Variants in WWP1 observed in about 807,000 individuals in gnomAD.
WWP1 encodes NEDD4-like E3 ubiquitin-protein ligase WWP1.
A neutral mutation model predicts 130.6 loss-of-function variants in WWP1; 49 were observed. The ratio of observed to expected loss-of-function variants is 0.38; its 90% CI spans 0.30 to 0.48. The LOEUF is 0.48. Among genes scored for constraint, WWP1 ranks in the 20% least tolerant of loss-of-function variants. The pLI, the probability that WWP1 is intolerant of heterozygous loss-of-function variation, is 0.99. For missense variants in WWP1, 809 were observed against 1,100.6 expected (o/e 0.74, Z 3.75); for synonymous variants, 332 against 367.8 (o/e 0.90, Z 1.11).
intron 4 of WWP1, 28 bp from the exon 5 acceptor site, chr8:86,381,477 A>T: frequency 2.5e-6 from 4 of 1,597,742 alleles, no homozygotes; most frequent in Non-Finnish European, 3.4e-6. Flanking sequence ...CTACTCCTGT[A>T]TTTTTGTTAA....
At chr8:86,463,982 G>A (rs1811902017) in intron 24 of WWP1, among the ~76,000 whole-genome samples, 1 of 151,968 alleles carries the variant, frequency 6.6e-6, no homozygotes, top group Admixed American at 6.6e-5. Context: ...GATCACTGGA[G>A]CCGGGGAAGT....
At chr8:86,430,936 A>G (rs1586442609) in intron 12 of WWP1, among the ~76,000 whole-genome samples, 185 bp downstream of exon 12, 1 of 140,660 alleles carries the variant, frequency 7.1e-6, no homozygotes, top group Non-Finnish European at 1.5e-5. Context: ...TATTCTATAT[A>G]TTATATATTC....
chr8:86,406,540 AC>A (rs1365043921), intron 8 of WWP1, among the ~76,000 whole-genome samples: 1 of 152,180 alleles, frequency 6.6e-6, no homozygotes, highest in Non-Finnish European at 1.5e-5. Flanking sequence ...GGTCCCATGC[AC>A]CCTTCACCAG....
intron 18 of WWP1, among the ~76,000 whole-genome samples, chr8:86,443,938 T>C (rs1057490716): frequency 1.3e-5 from 2 of 152,176 alleles, no homozygotes; most frequent in African/African-American, 4.8e-5. Flanking sequence ...GTGGGACCTT[T>C]AGGAAATTCA....
At chr8:86,438,273 CTTG>C (rs1282078393) in intron 16 of WWP1, among the ~76,000 whole-genome samples, 7 of 152,220 alleles carry the variant, frequency 4.6e-5, no homozygotes, top group African/African-American at 1.7e-4. Flanking sequence ...AGGGCTTGGC[CTTG>C]TTGTCTCAGG....
intron 2 of WWP1, 42 bp downstream of exon 2, chr8:86,369,073 A>G (rs150390168): frequency 1.6e-4 from 24 of 152,286 alleles, no homozygotes; most frequent in Middle Eastern, 3.4e-3. Flanking sequence ...ACTATAATTA[A>G]TAGTCAGACT....
chr8:86,445,207 A>C (rs913886633), intron 18 of WWP1, among the ~76,000 whole-genome samples: 1 of 152,140 alleles, frequency 6.6e-6, no homozygotes, highest in Non-Finnish European at 1.5e-5. Flanking sequence ...TTAATTTTAG[A>C]ATCAGGGGTA....
intron 18 of WWP1, among the ~76,000 whole-genome samples, chr8:86,444,461 A>G (rs1200445625): frequency 1.3e-5 from 2 of 152,206 alleles, no homozygotes; most frequent in African/African-American, 2.4e-5. Flanking sequence ...AAAAGGCAAT[A>G]TGATTGTTTA....
chr8:86,417,718 G>C (rs1177372347), intron 9 of WWP1, among the ~76,000 whole-genome samples: 1 of 152,160 alleles, frequency 6.6e-6, no homozygotes, highest in Non-Finnish European at 1.5e-5. Context: ...TTTTAAAACT[G>C]TTTCTGATTA....
intron 5 of WWP1, among the ~76,000 whole-genome samples, chr8:86,385,996 T>C (rs1345605260): frequency 6.6e-6 from 1 of 152,200 alleles, no homozygotes; most frequent in Non-Finnish European, 1.5e-5. Flanking sequence ...TGAAACCAGT[T>C]TGAAAATCAC....
At chr8:86,409,461 C>T (rs1019749014) in intron 8 of WWP1, among the ~76,000 whole-genome samples, 19 of 150,494 alleles carry the variant, frequency 1.3e-4, no homozygotes, top group African/African-American at 4.1e-4. Flanking sequence ...GTCTCAAACT[C>T]CTGACCTCGT....
At chr8:86,432,208 G>C (rs1049924422) in intron 14 of WWP1, among the ~76,000 whole-genome samples, 1 of 152,108 alleles carries the variant, frequency 6.6e-6, no homozygotes, top group African/African-American at 2.4e-5. Flanking sequence ...CAGATTTAAA[G>C]ATACCTTAAT....
At chr8:86,367,130 A>G (rs528709376) in intron 1 of WWP1, among the ~76,000 whole-genome samples, 6 of 152,292 alleles carry the variant, frequency 3.9e-5, no homozygotes, top group Non-Finnish European at 5.9e-5. Context: ...TCTGTTACAT[A>G]TCATCCTATC....
intron 1 of WWP1, among the ~76,000 whole-genome samples, chr8:86,354,044 TTAAA>T (rs1305590301): frequency 1.3e-5 from 2 of 152,360 alleles, no homozygotes; most frequent in Admixed American, 6.5e-5. Flanking sequence ...AGCTCGGGCC[TTAAA>T]TAAAGTAAGA....
intron 1 of WWP1, among the ~76,000 whole-genome samples, chr8:86,365,337 A>G (rs1823911448): frequency 6.6e-6 from 1 of 152,214 alleles, no homozygotes; most frequent in Non-Finnish European, 1.5e-5. Context: ...AGAAAGATGG[A>G]GGGAAGATAG....
intron 18 of WWP1, among the ~76,000 whole-genome samples, chr8:86,446,404 T>G (rs58837061): frequency 0.15 from 22,381 of 152,150 alleles, 1,800 homozygotes; most frequent in Non-Finnish European, 0.19. Flanking sequence ...CTTTGTTGGA[T>G]CCATAGTTTG....
rs1336606573 is a variant in WWP1, at chr8:86,379,661, T to C, written c.71-1065T>C. ...GATTTTCACTTTCTGGAAGGGGTTA[T>C]GATTAACTTTTATAATGACATTTTG... On this transcript the variant is annotated intron_variant, in intron 3 of 24. Transcript: ENST00000517970. 2.0e-5 allele frequency among the ~76,000 whole-genome samples: 3 copies of C among 152,220 alleles called. No individual in the cohort carries two copies. In the South Asian group the frequency reaches 6.2e-4, roughly 32 times the overall value.
At chr8:86,344,643 A>T (rs1338475073) in intron 1 of WWP1, among the ~76,000 whole-genome samples, 1 of 152,220 alleles carries the variant, frequency 6.6e-6, no homozygotes. Context: ...CTCAGATCTT[A>T]CTTGGCAAGG....
At chr8:86,442,511 C>G in intron 17 of WWP1, 108 bp from the exon 18 acceptor site, 4 of 1,097,184 alleles carry the variant, frequency 3.6e-6, no homozygotes, top group Non-Finnish European at 4.9e-6. Flanking sequence ...CAGTGGAGTT[C>G]TTAAAGACTG....
Sources: allele counts gnomAD v4.1 joint callset (sites outside exome capture counted in the v4.1 genomes callset), GRCh38; gene constraint gnomAD v4.1.1; transcripts MANE v1.5; gene names NCBI Gene and HGNC (gene_info 2026-07-23, HGNC 2026-07-21).